PRKX: variants seen among roughly 807,000 people sequenced by gnomAD.
PRKX encodes the protein protein kinase cAMP-dependent X-linked catalytic subunit.
Under a neutral mutation model 22.0 loss-of-function variants are expected in PRKX, and 12 were observed. That is an observed-to-expected ratio of 0.54 (90% CI 0.35 to 0.88). PRKX has a LOEUF of 0.88. PRKX is among the 40% of genes least tolerant of loss of function. PRKX has a pLI of 0.01. For synonymous variants in PRKX, 134 were observed against 137.7 expected, an observed-to-expected ratio of 0.97 and a Z score of 0.19; for missense variants, 217 against 308.0, an observed-to-expected ratio of 0.70 and a Z score of 2.21.
chrX:3,659,737 T>G (rs1049576676), intron 2 of PRKX, among the ~76,000 whole-genome samples: 1 of 96,773 alleles, frequency 1.0e-5, no homozygotes. Flanking sequence ...TTGTTTTTTT[T>G]TTTTTTGAGA....
intron 5 of PRKX, among the ~76,000 whole-genome samples, chrX:3,622,549 C>A (rs1926579084): frequency 9.0e-6 from 1 of 110,569 alleles, no homozygotes; most frequent in Non-Finnish European, 1.9e-5. Context: ...CAGACTCCAC[C>A]ATCTAGATTG....
At chrX:3,629,637 G>C (rs952984364) in intron 4 of PRKX, among the ~76,000 whole-genome samples, 5 of 110,040 alleles carry the variant, frequency 4.5e-5, no homozygotes, top group Non-Finnish European at 7.6e-5. Context: ...CAGGCCAAAT[G>C]AAAGAGCCTG....
chrX:3,662,754 C>T (rs55885579), intron 2 of PRKX, among the ~76,000 whole-genome samples: 36,390 of 102,753 alleles, frequency 0.35, 5,433 homozygotes, highest in Middle Eastern at 0.49. Context: ...CACCTGTACT[C>T]CTATCTACTT....
rs113550171 is a variant in PRKX, at chrX:3,711,833, A to G, written c.166+1255T>C. ...AAGAGACAGAGGAGGAGAAATGCAG[A>G]GAGACTTGAACAGAGACAGAAAGAG... is the stretch of plus-strand genomic sequence containing the variant. On this transcript the variant is annotated intron_variant, in intron 1 of 8. Transcript: ENST00000262848. Among the ~76,000 whole-genome samples the G allele has an allele frequency of 8.5e-3, 924 of 108,898 alleles. 12 individuals are homozygous for G. Among genetic ancestry groups the G allele is most frequent in the African/African-American group, 0.03 (878 of 29,101 alleles). 94.6% of individuals were successfully genotyped at this position (108,898 alleles called of 115,157 possible).
chrX:3,639,924 C>T (rs1927035127), intron 4 of PRKX, among the ~76,000 whole-genome samples: 1 of 111,276 alleles, frequency 9.0e-6, no homozygotes, highest in Non-Finnish European at 1.9e-5. Context: ...GTCACATGCT[C>T]CACACCCCCA....
chrX:3,696,420 AG>A (rs1047705231), intron 1 of PRKX, among the ~76,000 whole-genome samples: 1 of 112,186 alleles, frequency 8.9e-6, no homozygotes, highest in Non-Finnish European at 1.9e-5. Context: ...ATCACAGCTT[AG>A]CCCAGCCTGC....
At chrX:3,615,240 A>G (rs1926395897) in intron 7 of PRKX, among the ~76,000 whole-genome samples, 1 of 110,014 alleles carries the variant, frequency 9.1e-6, no homozygotes, top group African/African-American at 3.3e-5. Context: ...GCTAGTCTCA[A>G]ACTCGTGGGT....
intron 6 of PRKX, among the ~76,000 whole-genome samples, chrX:3,617,409 C>T (rs768581940): frequency 1.2e-4 from 13 of 109,225 alleles, no homozygotes; most frequent in African/African-American, 3.3e-4. Flanking sequence ...TTTGGGAGGC[C>T]GAGGCAGGAG....
At chrX:3,677,119 G>C (rs1482652878) in intron 1 of PRKX, among the ~76,000 whole-genome samples, 2 of 111,099 alleles carry the variant, frequency 1.8e-5, no homozygotes, top group East Asian at 5.6e-4. Flanking sequence ...GGTAGGGCTT[G>C]AGGGGGAAGG....
At chrX:3,618,620 TAA>T (rs58324502) in intron 6 of PRKX, among the ~76,000 whole-genome samples, 10,222 of 108,708 alleles carry the variant, frequency 0.094, 409 homozygotes, top group Middle Eastern at 0.16. Context: ...TGTGTTAATT[TAA>T]AAAAAAAATA....
At chrX:3,692,996 G>T (rs1459803293) in intron 1 of PRKX, among the ~76,000 whole-genome samples, 1 of 111,110 alleles carries the variant, frequency 9.0e-6, no homozygotes, top group Non-Finnish European at 1.9e-5. Context: ...GGAAAAAAAA[G>T]GAGTCAATAT....
chrX:3,707,004 G>A (rs1569066171), intron 1 of PRKX, among the ~76,000 whole-genome samples: 1 of 111,596 alleles, frequency 9.0e-6, no homozygotes, highest in East Asian at 2.8e-4. Flanking sequence ...GTGCACGTCT[G>A]CAGTCCCAGC....
At chrX:3,706,152 C>T (rs1928681848) in intron 1 of PRKX, among the ~76,000 whole-genome samples, 1 of 110,673 alleles carries the variant, frequency 9.0e-6, no homozygotes, top group Non-Finnish European at 1.9e-5. Flanking sequence ...GGAGACCCTA[C>T]AGTGTGCCAG....
intron 2 of PRKX, among the ~76,000 whole-genome samples, chrX:3,669,989 G>A (rs1385721819): frequency 8.9e-6 from 1 of 112,048 alleles, no homozygotes; most frequent in Non-Finnish European, 1.9e-5. Context: ...GCTGCTCCTG[G>A]CCGCTGGTGG....
At position 3,607,832 on chromosome X, in the gene PRKX, G is replaced by A. The variant is rs1470861041; in HGVS notation, c.*1137C>T. 1 of 108,451 alleles carries A rather than the reference G, an allele frequency of 9.2e-6. No individual in the cohort carries two copies. 8.9% of individuals were successfully genotyped at this position (108,451 alleles called of 1,213,427 possible). A position where few individuals can be genotyped will look rare whatever the true frequency, so the allele number is the denominator to read the frequency against. On this transcript the variant is annotated 3_prime_UTR_variant, in exon 9 of 9. Transcript: ENST00000262848. ...TCACTGTCTTTTAAAGCCTTAAGGT[G>A]GACGTTCTCTTCAATCCATCTTCAA... is the stretch of plus-strand genomic sequence containing the variant.
intron 1 of PRKX, among the ~76,000 whole-genome samples, chrX:3,688,530 C>A (rs1285604914): frequency 2.2e-5 from 2 of 89,547 alleles, no homozygotes; most frequent in Non-Finnish European, 4.8e-5. Flanking sequence ...TTACCTGCCA[C>A]ATTAGCTTGG....
intron 1 of PRKX, among the ~76,000 whole-genome samples, chrX:3,685,108 C>T (rs1266597781): frequency 9.0e-5 from 10 of 111,552 alleles, no homozygotes; most frequent in African/African-American, 2.0e-4. Flanking sequence ...TGAGCCACAA[C>T]GCCTGGCCTA....
chrX:3,616,398 A>G (rs1332832175), intron 6 of PRKX, among the ~76,000 whole-genome samples: 2 of 111,453 alleles, frequency 1.8e-5, no homozygotes, highest in African/African-American at 6.5e-5. Flanking sequence ...CCTGGCAATT[A>G]ACAAGGTGCG....
At chrX:3,634,385 G>A (rs1467151806) in intron 4 of PRKX, among the ~76,000 whole-genome samples, 1 of 110,922 alleles carries the variant, frequency 9.0e-6, no homozygotes, top group Non-Finnish European at 1.9e-5. Flanking sequence ...ACTGGGGTGT[G>A]TGAGGGTTGG....
Sources: allele counts gnomAD v4.1 joint callset (sites outside exome capture counted in the v4.1 genomes callset), GRCh38; gene constraint gnomAD v4.1.1; transcripts MANE v1.5; gene names NCBI Gene and HGNC (gene_info 2026-07-23, HGNC 2026-07-21).